The following NTAQ1 variants were observed in gnomAD, a reference collection of about 807,000 sequenced individuals.
The protein encoded by NTAQ1 is protein N-terminal glutamine amidohydrolase.
A neutral mutation model predicts 28.2 loss-of-function variants in NTAQ1; 21 were observed. That is an observed-to-expected ratio of 0.74 (90% confidence interval 0.53 to 1.07). The LOEUF (loss-of-function observed/expected upper bound fraction) is 1.07. NTAQ1 is among the 50% of genes least tolerant of loss of function. The pLI is 0.00. For synonymous variants in NTAQ1, 105 were observed against 90.0 expected (o/e 1.17, Z -0.94); for missense variants, 264 against 256.6 (o/e 1.03, Z -0.20).
Position 123,442,081 on chromosome 8 carries a change from A to G in NTAQ1, c.*666A>G, listed in dbSNP as rs901322746. ...GATCTGAAATACCTAAATATGCCTC[A>G]ATTGTAGATGAGAACCAGGGCTTTA... On this transcript the variant is annotated 3_prime_UTR_variant, in exon 6 of 6. Coordinates refer to ENST00000287387, the MANE Select transcript of NTAQ1 (RefSeq NM_018024.3). 7.2e-5 allele frequency: 11 copies of G among 152,518 alleles called. No individual in the cohort carries two copies. Among genetic ancestry groups the G allele is most frequent in the African/African-American group, 2.7e-4 (11 of 41,454 alleles). 9.4% of individuals were successfully genotyped at this position (152,518 alleles called of 1,614,324 possible). A position where few individuals can be genotyped will look rare whatever the true frequency, so the allele number is the denominator to read the frequency against.
At chr8:123,468,151 G>T (rs537302310) in exon 7 of NTAQ1, among the ~76,000 whole-genome samples, 15 of 152,310 alleles carry the variant, frequency 9.8e-5, no homozygotes, top group Non-Finnish European at 1.6e-4. Context: ...GCCCCCAAAG[G>T]GGGTAGTGGG....
downstream of NTAQ1, among the ~76,000 whole-genome samples, chr8:123,474,070 A>G (rs898904841): frequency 7.9e-5 from 12 of 152,342 alleles, no homozygotes; most frequent in African/African-American, 2.9e-4. Context: ...CAATTCCCAT[A>G]TATTTCGTCA....
intron 6 of NTAQ1, among the ~76,000 whole-genome samples, chr8:123,464,137 T>C (rs1228747385): frequency 6.6e-6 from 1 of 152,178 alleles, no homozygotes; most frequent in Non-Finnish European, 1.5e-5. Flanking sequence ...AATTATCCTG[T>C]CTCAGGTATG....
chr8:123,434,878 T>C (rs1814609718), intron 3 of NTAQ1, among the ~76,000 whole-genome samples: 1 of 152,066 alleles, frequency 6.6e-6, no homozygotes, highest in Non-Finnish European at 1.5e-5. Flanking sequence ...AGGATGTATC[T>C]GGGGAAGTCC....
chr8:123,445,596 T>A (rs1364242259), downstream of NTAQ1, among the ~76,000 whole-genome samples: 3 of 152,212 alleles, frequency 2.0e-5, no homozygotes, highest in Admixed American at 6.5e-5. Context: ...GGTGAATTTT[T>A]AAAAATTTTT....
chr8:123,438,046 A>G (rs1209409157), intron 5 of NTAQ1: 4 of 631,994 alleles, frequency 6.3e-6, no homozygotes, highest in Non-Finnish European at 8.6e-6. Flanking sequence ...GTGAAATGTC[A>G]CTTTGGCTAT....
rs1563896457 is a variant in NTAQ1, at chr8:123,441,290, T to C, written c.509-16T>C. On this transcript the variant is annotated splice_polypyrimidine_tract_variant and intron_variant, in intron 5 of 5. Transcript: ENST00000287387. Reference sequence around the variant, plus strand: ...TGTGTTTTCAGTGGACATTTTTTTTTCATATATTTTTTTAGATTCCAAAAT... The same window carrying C: ...TGTGTTTTCAGTGGACATTTTTTTTCCATATATTTTTTTAGATTCCAAAAT... The C allele has an allele frequency of 6.3e-7, 1 of 1,583,274 alleles. No individual in the cohort carries two copies. Among genetic ancestry groups the C allele is most frequent in the East Asian group, 2.4e-5 (1 of 42,122 alleles).
downstream of NTAQ1, among the ~76,000 whole-genome samples, chr8:123,449,927 A>ATGTG (rs1341187426): frequency 2.0e-3 from 89 of 44,838 alleles, no homozygotes; most frequent in Middle Eastern, 7.4e-3. Context: ...GTGTATATAT[A>ATGTG]TATGTGTGTG....
downstream of NTAQ1, among the ~76,000 whole-genome samples, chr8:123,448,671 G>A (rs181311852): frequency 2.4e-4 from 36 of 152,310 alleles, no homozygotes; most frequent in Admixed American, 1.3e-3. Flanking sequence ...TGCGCAGACT[G>A]CCCCCTTAGT....
chr8:123,466,244 G>A (rs2130438663), intron 6 of NTAQ1, among the ~76,000 whole-genome samples: 1 of 152,292 alleles, frequency 6.6e-6, no homozygotes, highest in African/African-American at 2.4e-5. Flanking sequence ...AGCCCAGTGA[G>A]CAGGAAGTCA....
At chr8:123,462,719 CTGTT>C (rs1242023534) in intron 6 of NTAQ1, among the ~76,000 whole-genome samples, 1 of 152,150 alleles carries the variant, frequency 6.6e-6, no homozygotes, top group African/African-American at 2.4e-5. Flanking sequence ...ATTCATTTGA[CTGTT>C]TGACTCCAGA....
rs577877415 is a variant in NTAQ1, at chr8:123,440,146, C to CTTTTTTTTTTTTTTTTTT, written c.509-1150_509-1133dup. Among the ~76,000 whole-genome samples the CTTTTTTTTTTTTTTTTTT allele has an allele frequency of 7.1e-5, 4 of 56,542 alleles. 1 individual carries two copies. The highest frequency in any genetic ancestry group is 3.0e-4 in the African/African-American group (4 of 13,254). 37.1% of individuals were successfully genotyped at this position (56,542 alleles called of 152,430 possible). A position where few individuals can be genotyped will look rare whatever the true frequency, so the allele number is the denominator to read the frequency against. ...CCACCACGCTGGCCAGGATTAACTC[C>CTTTTTTTTTTTTTTTTTT]TTTTTTTTTTTTTTTTTTTTTTTTT... On this transcript the variant is annotated intron_variant, in intron 5 of 5. Transcript: ENST00000287387.
chr8:123,416,900 G>A lies in NTAQ1; in HGVS notation c.51G>A (p.Pro17=). The change falls in exon 1 of 6, where the codon CCG becomes CCA. Residue 17 remains proline (P), a synonymous_variant. Coordinates refer to ENST00000287387, the MANE Select transcript of NTAQ1 (RefSeq NM_018024.3). ...TCCACTACCAGCCGGCCAGCCCCCCGCGGGACGCCTGCGTCTACAGCAGCT... is the reference window on the plus strand; with the variant it reads ...TCCACTACCAGCCGGCCAGCCCCCCACGGGACGCCTGCGTCTACAGCAGCT... ...AAVHYQPASP[P]RDACVYSSCY... is the part of the protein sequence containing the mutation. The A allele has an allele frequency of 1.3e-6, 2 of 1,525,170 alleles. No individual in the cohort carries two copies. Among genetic ancestry groups the A allele is most frequent in the Non-Finnish European group, 8.8e-7 (1 of 1,137,196 alleles). 94.5% of individuals were successfully genotyped at this position (1,525,170 alleles called of 1,614,324 possible).
intron 6 of NTAQ1, among the ~76,000 whole-genome samples, chr8:123,459,899 C>T (rs1334234899): frequency 1.4e-5 from 2 of 147,792 alleles, no homozygotes; most frequent in Admixed American, 7.0e-5. Flanking sequence ...CCTCCTGGTT[C>T]AAGCGATTCT....
At chr8:123,429,440 G>A (rs934970527) in intron 2 of NTAQ1, among the ~76,000 whole-genome samples, 2 of 152,126 alleles carry the variant, frequency 1.3e-5, no homozygotes, top group Non-Finnish European at 2.9e-5. Context: ...ACAGTGACAC[G>A]TGCCTGTAGT....
chr8:123,456,708 TC>T (rs1815659948), intron 6 of NTAQ1, among the ~76,000 whole-genome samples: 1 of 152,236 alleles, frequency 6.6e-6, no homozygotes, highest in Non-Finnish European at 1.5e-5. Context: ...TGCTTTCCTG[TC>T]TTCTGTCACT....
intron 1 of NTAQ1, among the ~76,000 whole-genome samples, chr8:123,421,823 G>A (rs1813712262): frequency 6.6e-6 from 1 of 150,608 alleles, no homozygotes; most frequent in Non-Finnish European, 1.5e-5. Flanking sequence ...CGAGTAGCTG[G>A]GGCTGCAGGT....
At chr8:123,431,476 C>T (rs1190129221) in intron 3 of NTAQ1, among the ~76,000 whole-genome samples, 3 of 152,138 alleles carry the variant, frequency 2.0e-5, no homozygotes, top group East Asian at 1.9e-4. Context: ...TGATTGGCTT[C>T]GCTCATTTAT....
chr8:123,471,326 C>T (rs910206285), downstream of NTAQ1, among the ~76,000 whole-genome samples: 9 of 152,192 alleles, frequency 5.9e-5, no homozygotes, highest in African/African-American at 2.2e-4. Context: ...ACATCTGCAA[C>T]AACATGATTT....
Sources: gnomAD v4.1 joint callset for allele counts (sites outside exome capture counted in the v4.1 genomes callset) on GRCh38, gnomAD v4.1.1 for gene constraint, MANE v1.5 for transcripts, NCBI Gene and HGNC (gene_info 2026-07-23, HGNC 2026-07-21) for gene names.